The following ZFHX3 variants were observed in gnomAD, a reference collection of about 807,000 sequenced individuals.
ZFHX3 encodes the protein zinc finger homeobox protein 3.
A neutral mutation model predicts 279.1 loss-of-function variants in ZFHX3; 42 were observed. The ratio of observed to expected loss-of-function variants is 0.15; its 90% CI spans 0.12 to 0.19. The LOEUF is 0.19. Ranked by LOEUF, ZFHX3 falls within the 10% of genes least tolerant of loss-of-function variation. The pLI, the probability that ZFHX3 is intolerant of heterozygous loss-of-function variation, is 1.00. For missense variants in ZFHX3, 4,981 were observed against 4,754.0 expected (o/e 1.05, Z -1.40); for synonymous variants, 2,293 against 1,957.8 (o/e 1.17, Z -4.52).
intron 2 of ZFHX3, among the ~76,000 whole-genome samples, chr16:73,601,176 G>A (rs928904883): frequency 6.6e-6 from 1 of 152,004 alleles, no homozygotes; most frequent in Non-Finnish European, 1.5e-5. Context: ...GTTTGGGCCA[G>A]GCACAGTGGC....
intron 3 of ZFHX3, among the ~76,000 whole-genome samples, chr16:73,429,171 T>C (rs2017865976): frequency 6.6e-6 from 1 of 152,084 alleles, no homozygotes; most frequent in Non-Finnish European, 1.5e-5. Context: ...ATCACCCTAC[T>C]CTGGGGATAG....
intron 1 of ZFHX3, among the ~76,000 whole-genome samples, chr16:73,745,807 T>C (rs1271098100): frequency 1.3e-5 from 2 of 152,176 alleles, no homozygotes; most frequent in African/African-American, 4.8e-5. Context: ...TGATTATGTC[T>C]CTGGTGTCCT....
At position 73,336,034 on chromosome 16, in the gene ZFHX3, T is replaced by G. The variant is rs572249191; in HGVS notation, c.-1290-17698A>C. On this transcript the variant is annotated intron_variant, in intron 3 of 17. Coordinates refer to the ZFHX3 transcript ENST00000641206. ...GCAGCAGTGCACGTGTTCTAAGTTGTGTTAACAGCTGGAGATGGATCTTTA... is the reference window on the plus strand; with the variant it reads ...GCAGCAGTGCACGTGTTCTAAGTTGGGTTAACAGCTGGAGATGGATCTTTA... 1.6e-4 allele frequency among the ~76,000 whole-genome samples: 24 copies of G among 152,316 alleles called. 1 individual carries two copies. Among genetic ancestry groups the G allele is most frequent in the Admixed American group, 1.6e-3 (24 of 15,302 alleles).
At chr16:72,993,940 C>T (rs915234554) in intron 1 of ZFHX3, among the ~76,000 whole-genome samples, 20 of 152,088 alleles carry the variant, frequency 1.3e-4, no homozygotes, top group Admixed American at 5.9e-4. Flanking sequence ...TAGCAGCAGC[C>T]GAGTGCACTA....
chr16:73,351,962 T>G (rs1002644979), intron 3 of ZFHX3, among the ~76,000 whole-genome samples: 1 of 152,252 alleles, frequency 6.6e-6, no homozygotes, highest in African/African-American at 2.4e-5. Flanking sequence ...AGATCCATTA[T>G]AAAGGGTATG....
At chr16:73,006,469 A>C (rs1042018254) in intron 1 of ZFHX3, among the ~76,000 whole-genome samples, 3 of 152,080 alleles carry the variant, frequency 2.0e-5, no homozygotes, top group Non-Finnish European at 4.4e-5. Flanking sequence ...ATGAAAAAAA[A>C]AATTAAAGCC....
At chr16:73,170,223 G>GTTTTCTTTTTTTTTTTTTTTT (rs1967487476) in intron 5 of ZFHX3, among the ~76,000 whole-genome samples, 1 of 57,718 alleles carries the variant, frequency 1.7e-5, no homozygotes. Flanking sequence ...CCTTTCACTA[G>GTTTTCTTTTTTTTTTTTTTTT]TTTTTTTTTT....
intron 6 of ZFHX3, among the ~76,000 whole-genome samples, chr16:73,134,967 C>T (rs531571189): frequency 6.6e-6 from 1 of 152,222 alleles, no homozygotes; most frequent in South Asian, 2.1e-4. Flanking sequence ...GAGATGCAAT[C>T]AACCTGTGTT....
intron 7 of ZFHX3, among the ~76,000 whole-genome samples, chr16:73,100,067 T>C (rs1966212743): frequency 1.3e-5 from 2 of 152,200 alleles, no homozygotes; most frequent in South Asian, 4.1e-4. Context: ...AGACGAAAGA[T>C]ACCTGTGGAG....
intron 5 of ZFHX3, among the ~76,000 whole-genome samples, chr16:73,252,717 G>A (rs2013546689): frequency 6.6e-6 from 1 of 152,178 alleles, no homozygotes; most frequent in Admixed American, 6.5e-5. Flanking sequence ...GACTGACGAT[G>A]AAGAAAGAAG....
Position 73,465,672 on chromosome 16 carries a change from T to A in ZFHX3, c.-1546-9414A>T, listed in dbSNP as rs533212086. On this transcript the variant is annotated intron_variant, in intron 2 of 17. Coordinates refer to the ZFHX3 transcript ENST00000641206. ...TGCTGTTTCAGAACACATCATCGAA[T>A]GCTCAGCTCTGGGTCTTTGCTTACG... Among the ~76,000 whole-genome samples, 7 of 152,314 alleles carry A rather than the reference T, an allele frequency of 4.6e-5. No homozygotes were observed. The East Asian group carries it at 1.4e-3, about 29-fold the overall frequency.
intron 3 of ZFHX3, among the ~76,000 whole-genome samples, chr16:73,447,085 G>A (rs1324937549): frequency 6.6e-6 from 1 of 151,474 alleles, no homozygotes; most frequent in East Asian, 2.0e-4. Context: ...GGAGGCTGAG[G>A]CAGGAGAATG....
chr16:73,558,709 C>CT (rs989644068), intron 2 of ZFHX3, among the ~76,000 whole-genome samples: 16,021 of 90,508 alleles, frequency 0.18, 2,563 homozygotes, highest in Non-Finnish European at 0.25. Context: ...GAAAATGACT[C>CT]TTTTTTTTTT....
At chr16:73,350,519 C>T (rs960955886) in intron 3 of ZFHX3, among the ~76,000 whole-genome samples, 4 of 152,308 alleles carry the variant, frequency 2.6e-5, no homozygotes, top group East Asian at 3.9e-4. Flanking sequence ...TCCCTGGACT[C>T]CTGAGTGTCT....
intron 1 of ZFHX3, among the ~76,000 whole-genome samples, chr16:73,027,225 G>A (rs1964543513): frequency 6.6e-6 from 1 of 152,208 alleles, no homozygotes. Flanking sequence ...GAACTGGCCC[G>A]CAGACTAGAG....
chr16:73,489,444 C>T (rs2019024080), intron 2 of ZFHX3, among the ~76,000 whole-genome samples: 1 of 152,204 alleles, frequency 6.6e-6, no homozygotes, highest in African/African-American at 2.4e-5. Context: ...TTTTTTCCAA[C>T]TGAATCCAGC....
At chr16:73,525,458 G>T (rs10500572) in intron 2 of ZFHX3, among the ~76,000 whole-genome samples, 3 of 152,070 alleles carry the variant, frequency 2.0e-5, no homozygotes, top group Admixed American at 1.3e-4. Flanking sequence ...AGGATCTCAC[G>T]GAAAAGAGGT....
intron 1 of ZFHX3, among the ~76,000 whole-genome samples, chr16:73,683,878 C>T (rs776707589): frequency 6.6e-6 from 1 of 152,218 alleles, no homozygotes; most frequent in Non-Finnish European, 1.5e-5. Flanking sequence ...TCATAAACTT[C>T]TTCTGTAAAG....
chr16:73,806,238 G>T (rs1402152813), intron 1 of ZFHX3, among the ~76,000 whole-genome samples: 1 of 152,208 alleles, frequency 6.6e-6, no homozygotes, highest in Non-Finnish European at 1.5e-5. Flanking sequence ...TGAGATTTGG[G>T]TGGGGACACA....
Sources: gnomAD v4.1 joint callset for allele counts (sites outside exome capture counted in the v4.1 genomes callset) on GRCh38, gnomAD v4.1.1 for gene constraint, MANE v1.5 for transcripts, NCBI Gene and HGNC (gene_info 2026-07-23, HGNC 2026-07-21) for gene names.